The following MAP4 variants were observed in gnomAD, a reference collection of about 807,000 sequenced individuals.
MAP4 encodes microtubule-associated protein 4.
Under a neutral mutation model 170.2 loss-of-function variants are expected in MAP4, and 76 were observed. The ratio of observed to expected loss-of-function variants is 0.45; its 90% CI spans 0.37 to 0.54. The LOEUF is 0.54. Among genes scored for constraint, MAP4 ranks in the 20% least tolerant of loss-of-function variants. The probability of loss-of-function intolerance (pLI) is 0.00; values close to 1 mark genes in which losing one functional copy is unlikely to be tolerated. For synonymous variants in MAP4, 909 were observed against 994.5 expected (o/e 0.91, Z 1.62); for missense variants, 2,506 against 2,748.0 (o/e 0.91, Z 1.97).
chr3:48,080,707 G>A (rs147694787), intron 1 of MAP4, among the ~76,000 whole-genome samples: 1 of 152,280 alleles, frequency 6.6e-6, no homozygotes, highest in East Asian at 1.9e-4. Context: ...TAGGCCGGGT[G>A]CAGTGGCTCA....
intron 1 of MAP4, among the ~76,000 whole-genome samples, chr3:48,026,784 G>C (rs1192963963): frequency 1.3e-5 from 2 of 152,006 alleles, no homozygotes; most frequent in African/African-American, 4.8e-5. Flanking sequence ...TTTCCATATA[G>C]AACCACCAAC....
chr3:47,946,369 A>G (rs2100059906), intron 3 of MAP4, among the ~76,000 whole-genome samples: 1 of 151,458 alleles, frequency 6.6e-6, no homozygotes, highest in African/African-American at 2.4e-5. Context: ...ATAAACAACT[A>G]TTGGCTGGGC....
At chr3:48,007,552 A>T (rs1217808399) in intron 1 of MAP4, among the ~76,000 whole-genome samples, 1 of 152,178 alleles carries the variant, frequency 6.6e-6, no homozygotes, top group African/African-American at 2.4e-5. Context: ...AATGGTGCTT[A>T]ATGTGTCAGT....
At chr3:48,020,399 T>C (rs893981244), upstream of MAP4, among the ~76,000 whole-genome samples, 2 of 152,226 alleles carry the variant, frequency 1.3e-5, no homozygotes, top group African/African-American at 2.4e-5. Context: ...GGGTTGATGT[T>C]TGCACAGCTG....
intron 2 of MAP4, among the ~76,000 whole-genome samples, chr3:47,990,205 T>A (rs2100091298): frequency 6.6e-6 from 1 of 152,240 alleles, no homozygotes; most frequent in African/African-American, 2.4e-5. Context: ...TAAGGAGAAA[T>A]TCTGCAGTAT....
At chr3:48,080,776 C>G (rs577799304) in intron 1 of MAP4, among the ~76,000 whole-genome samples, 1 of 151,880 alleles carries the variant, frequency 6.6e-6, no homozygotes, top group East Asian at 1.9e-4. Flanking sequence ...GTCAGGAGAT[C>G]GAGACCATCC....
chr3:47,892,623 CCT>C lies in MAP4; in HGVS notation c.5434+10325_5434+10326del, dbSNP rs773704971. 137 of 1,418,714 alleles carry C rather than the reference CCT, an allele frequency of 9.7e-5. 1 individual carries two copies. Among genetic ancestry groups the C allele is most frequent in the Non-Finnish European group, 1.2e-4 (128 of 1,092,138 alleles). The allele number at this position is 1,418,714 out of a possible 1,614,324, so 87.9% of individuals were successfully genotyped here. On this transcript the variant is annotated intron_variant, in intron 10 of 20. Coordinates refer to ENST00000683076, the MANE Select transcript of MAP4 (RefSeq NM_001385682.1). ...CAAAATTCATCTCTCCCTCAATGCC[CCT>C]CTCTCCTCAAGCAGTTGAGTATTAA...
At chr3:48,021,632 C>T (rs1478907140) in intron 1 of MAP4, among the ~76,000 whole-genome samples, 2 of 152,200 alleles carry the variant, frequency 1.3e-5, no homozygotes, top group Non-Finnish European at 2.9e-5. Context: ...AGGCGTGAGA[C>T]ACCACGCCCG....
intron 1 of MAP4, among the ~76,000 whole-genome samples, chr3:48,028,647 C>G (rs913791955): frequency 6.6e-6 from 1 of 151,848 alleles, no homozygotes; most frequent in Admixed American, 6.6e-5. Context: ...GTGGCCGGCG[C>G]CTGTAGTCCC....
chr3:47,890,824 G>A (rs2100023503), intron 10 of MAP4, among the ~76,000 whole-genome samples: 1 of 152,140 alleles, frequency 6.6e-6, no homozygotes, highest in African/African-American at 2.4e-5. Flanking sequence ...AAGACATTCA[G>A]CTTGACCCTG....
chr3:48,043,383 G>A (rs1371654557), intron 1 of MAP4, among the ~76,000 whole-genome samples: 2 of 152,188 alleles, frequency 1.3e-5, no homozygotes, highest in Admixed American at 6.5e-5. Flanking sequence ...TTACAGGCAT[G>A]AGCCACTGTG....
chr3:48,054,273 G>C (rs1157663942), intron 1 of MAP4, among the ~76,000 whole-genome samples: 11 of 151,466 alleles, frequency 7.3e-5, no homozygotes, highest in Admixed American at 7.3e-4. Context: ...ACTCCAGCCT[G>C]GCGAGAGAGC....
intron 1 of MAP4, among the ~76,000 whole-genome samples, chr3:48,028,946 C>A (rs1258036403): frequency 6.6e-6 from 1 of 151,970 alleles, no homozygotes; most frequent in Admixed American, 6.6e-5. Flanking sequence ...AGTTCAAGAC[C>A]AGCCTGGGCA....
At chr3:47,954,026 A>C (rs1012303411) in intron 3 of MAP4, among the ~76,000 whole-genome samples, 2 of 151,956 alleles carry the variant, frequency 1.3e-5, no homozygotes, top group African/African-American at 2.4e-5. Context: ...AAAAACAAAA[A>C]AAAAAACAAA....
chr3:47,975,308 G>A lies in MAP4; in HGVS notation c.292+2557C>T, dbSNP rs928623584. ...GTTTGCTCAGGCATCAGCAGAAATA[G>A]GCCCCGAAGAACTACCCTCAGTTTC... On this transcript the variant is annotated intron_variant, in intron 3 of 20. Coordinates refer to ENST00000683076, the MANE Select transcript of MAP4 (RefSeq NM_001385682.1). The A allele has an allele frequency of 2.0e-6, 3 of 1,514,674 alleles. No homozygotes were observed. In the African/African-American group the frequency reaches 4.2e-5, roughly 21 times the overall value. 93.8% of individuals were successfully genotyped at this position (1,514,674 alleles called of 1,614,324 possible). A position where few individuals can be genotyped will look rare whatever the true frequency, so the allele number is the denominator to read the frequency against.
intron 10 of MAP4, among the ~76,000 whole-genome samples, chr3:47,895,021 C>CAA (rs11401319): frequency 6.6e-4 from 68 of 102,828 alleles, no homozygotes; most frequent in African/African-American, 1.8e-3. Flanking sequence ...AAACCCTGTC[C>CAA]AAAAAAAAAA....
At chr3:48,004,994 A>G (rs2100101400) in intron 1 of MAP4, among the ~76,000 whole-genome samples, 2 of 152,320 alleles carry the variant, frequency 1.3e-5, no homozygotes, top group Non-Finnish European at 1.5e-5. Flanking sequence ...TTCTAGACCT[A>G]TAACTCAAGT....
rs551208601 is a variant in MAP4, at chr3:47,967,260, C to T, written c.292+10605G>A. On this transcript the variant is annotated intron_variant, in intron 3 of 20. Coordinates refer to ENST00000683076, the MANE Select transcript of MAP4 (RefSeq NM_001385682.1). ...CTGAGGCAGGAGAATTGCTTGAACC[C>T]GGAGGCGGAGGTTGCAGTGAGCCAT... is the stretch of plus-strand genomic sequence containing the variant. 4.1e-4 allele frequency among the ~76,000 whole-genome samples: 63 copies of T among 152,202 alleles called. 1 individual carries two copies. The highest frequency in any genetic ancestry group is 1.4e-3 in the African/African-American group (59 of 41,504).
chr3:48,026,390 C>G (rs2100113127), intron 1 of MAP4, among the ~76,000 whole-genome samples: 1 of 152,170 alleles, frequency 6.6e-6, no homozygotes, highest in Non-Finnish European at 1.5e-5. Context: ...CTATACAAAA[C>G]AGCAATTTAG....
Sources: gnomAD v4.1 joint callset for allele counts (sites outside exome capture counted in the v4.1 genomes callset) on GRCh38, gnomAD v4.1.1 for gene constraint, MANE v1.5 for transcripts, NCBI Gene and HGNC (gene_info 2026-07-23, HGNC 2026-07-21) for gene names.